Variants in RNF180 observed in about 807,000 individuals in gnomAD.
The protein encoded by RNF180 is E3 ubiquitin-protein ligase RNF180.
In RNF180, 38 loss-of-function variants were observed where a neutral mutation model predicts 59.2. The observed-to-expected ratio is 0.64, with a 90% CI of 0.50 to 0.84. The LOEUF is 0.84. Among genes scored for constraint, RNF180 ranks in the 40% least tolerant of loss-of-function variants. The probability of loss-of-function intolerance (pLI) is 0.00; values close to 1 mark genes in which losing one functional copy is unlikely to be tolerated. For synonymous variants in RNF180, 262 were observed against 240.3 expected (o/e 1.09, Z -0.84); for missense variants, 705 against 700.9 (o/e 1.01, Z -0.07).
chr5:64,265,936 G>A (rs186949303), intron 5 of RNF180, among the ~76,000 whole-genome samples: 182 of 152,042 alleles, frequency 1.2e-3, no homozygotes, highest in African/African-American at 3.8e-3. Context: ...GGTCCTTCAC[G>A]TCCCTTGTAA....
At chr5:64,179,381 G>T (rs1361146152) in intron 1 of RNF180, among the ~76,000 whole-genome samples, 3 of 152,028 alleles carry the variant, frequency 2.0e-5, no homozygotes, top group Non-Finnish European at 4.4e-5. Context: ...CTTCCTAGAG[G>T]TTACTATTCT....
chr5:64,213,470 T>A, intron 3 of RNF180, 88 bp from the exon 4 acceptor site: 1 of 1,242,152 alleles, frequency 8.1e-7, no homozygotes, highest in South Asian at 1.5e-5. Flanking sequence ...TAGAAAACTT[T>A]CATGTGGCTG....
At chr5:64,293,844 G>A (rs1441057902) in intron 5 of RNF180, among the ~76,000 whole-genome samples, 2 of 151,910 alleles carry the variant, frequency 1.3e-5, no homozygotes, top group South Asian at 2.1e-4. Context: ...TGTATATTCC[G>A]TATTTTTTCT....
chr5:64,212,536 A>G (rs1299535119), intron 3 of RNF180, among the ~76,000 whole-genome samples: 1 of 152,134 alleles, frequency 6.6e-6, no homozygotes. Context: ...GGACTTTTAT[A>G]TTTTGTTCAT....
chr5:64,365,663 C>T (rs1268251084), intron 7 of RNF180, among the ~76,000 whole-genome samples: 1 of 151,538 alleles, frequency 6.6e-6, no homozygotes, highest in Non-Finnish European at 1.5e-5. Context: ...TCTGGGTGCT[C>T]TTGTGTTGGG....
chr5:64,344,987 G>A (rs1745496722), intron 7 of RNF180, among the ~76,000 whole-genome samples: 1 of 151,740 alleles, frequency 6.6e-6, no homozygotes, highest in African/African-American at 2.4e-5. Flanking sequence ...TGTGTTTGGG[G>A]GATTACTAGT....
At chr5:64,362,048 T>G (rs936951423) in intron 7 of RNF180, among the ~76,000 whole-genome samples, 1 of 151,426 alleles carries the variant, frequency 6.6e-6, no homozygotes, top group East Asian at 1.9e-4. Flanking sequence ...TTTAATAAAT[T>G]TATTTTTAAT....
intron 6 of RNF180, among the ~76,000 whole-genome samples, chr5:64,329,572 C>G (rs1249789648): frequency 1.3e-5 from 2 of 151,882 alleles, no homozygotes; most frequent in East Asian, 3.9e-4. Context: ...GTTCTCCTGC[C>G]TCAGCCTCCC....
intron 7 of RNF180, among the ~76,000 whole-genome samples, chr5:64,334,209 G>A (rs1745029265): frequency 6.6e-6 from 1 of 152,188 alleles, no homozygotes; most frequent in Non-Finnish European, 1.5e-5. Flanking sequence ...GTGGAGAAAA[G>A]TGTTTCCCCC....
At chr5:64,165,780 G>T (rs1006023894), upstream of RNF180, 3 of 152,226 alleles carry the variant, frequency 2.0e-5, no homozygotes, top group African/African-American at 7.2e-5. Flanking sequence ...CGCGGGGTCG[G>T]GGCTGCAGGC....
intron 5 of RNF180, among the ~76,000 whole-genome samples, chr5:64,317,274 C>T (rs1404733611): frequency 6.6e-6 from 1 of 151,890 alleles, no homozygotes; most frequent in Admixed American, 6.6e-5. Context: ...TTTCCCAGTG[C>T]ATATAAAAAG....
intron 5 of RNF180, among the ~76,000 whole-genome samples, chr5:64,298,643 C>A (rs1743014535): frequency 6.6e-6 from 1 of 151,904 alleles, no homozygotes; most frequent in African/African-American, 2.4e-5. Flanking sequence ...AATGGAAACT[C>A]TTAGACAAAT....
chr5:64,184,944 C>G (rs1417977018), intron 1 of RNF180, among the ~76,000 whole-genome samples: 3 of 152,172 alleles, frequency 2.0e-5, no homozygotes, highest in Non-Finnish European at 2.9e-5. Flanking sequence ...CTTTAGAGAA[C>G]CATCCCACAT....
chr5:64,364,403 T>C (rs1746369931), intron 7 of RNF180, among the ~76,000 whole-genome samples: 1 of 151,896 alleles, frequency 6.6e-6, no homozygotes, highest in Admixed American at 6.6e-5. Flanking sequence ...GAACTACACT[T>C]GAATCCCAGG....
Position 64,325,281 on chromosome 5 carries a change from C to T in RNF180, c.1323C>T (p.Asn441=), listed in dbSNP as rs954967767. 3.2e-6 allele frequency: 5 copies of T among 1,551,166 alleles called. No individual in the cohort carries two copies. The highest frequency in any genetic ancestry group is 2.7e-5 in the African/African-American group (2 of 73,000). ...CAGTGTGTCTGGACGTTTATTTCAA[C>T]CCTTATATGTGTTACCCTTGCCATC... ...ICAVCLDVYF[N]PYMCYPCHHI... Residue 441 remains asparagine, a synonymous_variant, in exon 6 of 8, where the codon AAC becomes AAT. Coordinates refer to ENST00000389100, the MANE Select transcript of RNF180 (RefSeq NM_001113561.2).
chr5:64,319,041 A>G (rs1744206659), intron 5 of RNF180, among the ~76,000 whole-genome samples: 1 of 152,122 alleles, frequency 6.6e-6, no homozygotes, highest in South Asian at 2.1e-4. Context: ...CATTTGTAAC[A>G]AATGTACCAC....
chr5:64,306,017 A>G (rs1305104068), intron 5 of RNF180, among the ~76,000 whole-genome samples: 1 of 151,716 alleles, frequency 6.6e-6, no homozygotes, highest in East Asian at 1.9e-4. Context: ...TGGAGTGGAC[A>G]TATTTTATCC....
At chr5:64,180,947 A>G (rs1750539450) in intron 1 of RNF180, among the ~76,000 whole-genome samples, 1 of 152,170 alleles carries the variant, frequency 6.6e-6, no homozygotes, top group Admixed American at 6.5e-5. Flanking sequence ...CAAAACCTCA[A>G]AAGTAGGGAA....
At chr5:64,364,189 G>C (rs185183657) in intron 7 of RNF180, among the ~76,000 whole-genome samples, 1 of 151,894 alleles carries the variant, frequency 6.6e-6, no homozygotes, top group African/African-American at 2.4e-5. Flanking sequence ...TCCAGCTTTT[G>C]CCGATTCAGT....
Sources: allele counts gnomAD v4.1 joint callset (sites outside exome capture counted in the v4.1 genomes callset), GRCh38; gene constraint gnomAD v4.1.1; transcripts MANE v1.5; gene names NCBI Gene and HGNC (gene_info 2026-07-23, HGNC 2026-07-21).